EGFR: variants seen among roughly 807,000 people sequenced by gnomAD.
EGFR encodes the protein epidermal growth factor receptor.
In EGFR, 58 loss-of-function variants were observed where a neutral mutation model predicts 143.0. The observed-to-expected ratio is 0.41, with a 90% CI of 0.33 to 0.50. EGFR has a LOEUF of 0.50. Among genes scored for constraint, EGFR ranks in the 20% least tolerant of loss-of-function variants. The pLI is 0.39. For missense variants in EGFR, 1,307 were observed against 1,579.0 expected, an observed-to-expected ratio of 0.83 and a Z score of 2.92; for synonymous variants, 613 against 594.4, an observed-to-expected ratio of 1.03 and a Z score of -0.45.
intron 1 of EGFR, among the ~76,000 whole-genome samples, chr7:55,106,004 T>C (rs1792102778): frequency 6.6e-6 from 1 of 152,196 alleles, no homozygotes; most frequent in African/African-American, 2.4e-5. Context: ...TCTGTGTGCT[T>C]ACTTGAAAAC....
At chr7:55,079,736 G>A (rs1382304545) in intron 1 of EGFR, among the ~76,000 whole-genome samples, 2 of 152,156 alleles carry the variant, frequency 1.3e-5, no homozygotes, top group Non-Finnish European at 2.9e-5. Context: ...CATTCCCACG[G>A]AACCTTAAGA....
At chr7:55,146,462 G>A in intron 3 of EGFR, 144 bp from the exon 4 acceptor site, 2 of 1,308,402 alleles carry the variant, frequency 1.5e-6, no homozygotes, top group Non-Finnish European at 2.1e-6. Context: ...CCGCCCCCCG[G>A]GAAGTTCACT....
chr7:55,181,138 T>A (rs1260117063), intron 19 of EGFR, 155 bp from the exon 20 acceptor site: 2 of 939,448 alleles, frequency 2.1e-6, no homozygotes, highest in Non-Finnish European at 3.3e-6. Flanking sequence ...TAAACGTCCC[T>A]GTGCTAGGTC....
chr7:55,203,469 A>G (rs1359625526), intron 27 of EGFR, among the ~76,000 whole-genome samples: 3 of 74,834 alleles, frequency 4.0e-5, no homozygotes, highest in Non-Finnish European at 9.4e-5. Flanking sequence ...ACACATACAC[A>G]CACACCACAC....
intron 1 of EGFR, among the ~76,000 whole-genome samples, chr7:55,106,338 A>G (rs17336149): frequency 0.044 from 6,708 of 152,324 alleles, 469 homozygotes; most frequent in African/African-American, 0.15. Flanking sequence ...TCTGGGTCAG[A>G]AGCCACCAAT....
At chr7:55,121,020 A>G (rs576245384) in intron 1 of EGFR, among the ~76,000 whole-genome samples, 6 of 152,130 alleles carry the variant, frequency 3.9e-5, no homozygotes, top group Non-Finnish European at 8.8e-5. Flanking sequence ...AGATAAGTGG[A>G]TCTTCTAGTG....
chr7:55,162,529 A>G (rs1785760206), intron 13 of EGFR, among the ~76,000 whole-genome samples: 1 of 152,266 alleles, frequency 6.6e-6, no homozygotes, highest in African/African-American at 2.4e-5. Flanking sequence ...TGCAATCCTT[A>G]CAGCTACAAA....
At position 55,185,556 on chromosome 7, in the gene EGFR, C is replaced by T. The variant is rs116606194; in HGVS notation, c.2469+4078C>T. Among the ~76,000 whole-genome samples the T allele has an allele frequency of 8.2e-3, 1,257 of 152,368 alleles. 19 individuals are homozygous for T. Among genetic ancestry groups the T allele is most frequent in the African/African-American group, 0.029 (1,204 of 41,586 alleles). On this transcript the variant is annotated intron_variant, in intron 20 of 27. Coordinates refer to ENST00000275493, the MANE Select transcript of EGFR (RefSeq NM_005228.5). Reference sequence around the variant, plus strand: ...CATGCCCAGGACTGCAGAGTCCTGCCATTCAGACTGCAACTCATCTCACAT... The same window carrying T: ...CATGCCCAGGACTGCAGAGTCCTGCTATTCAGACTGCAACTCATCTCACAT...
intron 1 of EGFR, among the ~76,000 whole-genome samples, chr7:55,103,611 A>G (rs1030646808): frequency 6.6e-6 from 1 of 152,220 alleles, no homozygotes; most frequent in Non-Finnish European, 1.5e-5. Context: ...GGAGGGAATG[A>G]TGTGCCTGTG....
Position 55,171,108 on chromosome 7 carries a change from A to T in EGFR, c.1881-67A>T, listed in dbSNP as rs1584218462. 2.5e-6 allele frequency: 4 copies of T among 1,607,792 alleles called. No individual in the cohort carries two copies. In the East Asian group the frequency reaches 8.9e-5, roughly 36 times the overall value. ...TATATTGCTTTATGATTTAATTAAA[A>T]ATCTCCAAAATATATGCCAAAGAAG... On this transcript the variant is annotated intron_variant, in intron 15 of 27. Coordinates refer to ENST00000275493, the MANE Select transcript of EGFR (RefSeq NM_005228.5).
At chr7:55,028,565 A>G (rs1039361671) in intron 1 of EGFR, among the ~76,000 whole-genome samples, 3 of 152,058 alleles carry the variant, frequency 2.0e-5, no homozygotes, top group African/African-American at 7.2e-5. Context: ...CTTTCAGGAG[A>G]TTTTATTACA....
chr7:55,181,128 T>A, intron 19 of EGFR, 165 bp from the exon 20 acceptor site: 1 of 863,354 alleles, frequency 1.2e-6, no homozygotes, highest in East Asian at 2.5e-5. Flanking sequence ...CAGCCCTGCG[T>A]AAACGTCCCT....
rs564610459 is a variant in EGFR, at chr7:55,037,312, T to C, written c.88+17947T>C. 9.1e-4 allele frequency among the ~76,000 whole-genome samples: 138 copies of C among 152,298 alleles called. 1 individual carries two copies. The highest frequency in any genetic ancestry group is 2.9e-3 in the African/African-American group (120 of 41,568). The stretch of plus-strand genomic sequence containing the variant: ...GGTTACATGGATAGAAAACGTAGCC[T>C]CTGACCCCTAAGGAGCCTGTAATCC... On this transcript the variant is annotated intron_variant, in intron 1 of 27. Transcript: ENST00000275493.
In EGFR at chr7:55,210,631, TCCA is replaced by T. The variant is rs1788216180; in HGVS notation, c.*5016_*5018del. ...CCTAGAGAGCTAAGACACAAAGACCTCCACATCTGTCGCTGAGAGTCAAGAACC... is the reference window on the plus strand; with the variant it reads ...CCTAGAGAGCTAAGACACAAAGACCTCATCTGTCGCTGAGAGTCAAGAACC... On this transcript the variant is annotated 3_prime_UTR_variant, in exon 28 of 28. Coordinates refer to ENST00000275493, the MANE Select transcript of EGFR (RefSeq NM_005228.5). The T allele has an allele frequency of 6.6e-6, 1 of 152,186 alleles. No homozygotes were observed. Among genetic ancestry groups the T allele is most frequent in the African/African-American group, 2.4e-5 (1 of 41,428 alleles). 9.4% of individuals were successfully genotyped at this position (152,186 alleles called of 1,614,324 possible). A position where few individuals can be genotyped will look rare whatever the true frequency, so the allele number is the denominator to read the frequency against.
intron 1 of EGFR, among the ~76,000 whole-genome samples, chr7:55,088,280 C>T (rs1225666507): frequency 6.6e-6 from 1 of 152,180 alleles, no homozygotes; most frequent in Non-Finnish European, 1.5e-5. Context: ...ATGGGGGAGG[C>T]CCCCTTCGCA....
chr7:55,133,816 T>A (rs1793986526), intron 1 of EGFR, among the ~76,000 whole-genome samples: 1 of 152,208 alleles, frequency 6.6e-6, no homozygotes, highest in South Asian at 2.1e-4. Flanking sequence ...GCAAGGCAGA[T>A]GCCCTGGACA....
At chr7:55,081,487 GC>G (rs1790460068) in intron 1 of EGFR, among the ~76,000 whole-genome samples, 1 of 152,178 alleles carries the variant, frequency 6.6e-6, no homozygotes, top group Non-Finnish European at 1.5e-5. Flanking sequence ...GTGTCTGTGA[GC>G]GAGAGCCTGA....
chr7:55,200,504 C>T (rs17337458), intron 24 of EGFR, 91 bp downstream of exon 24: 13 of 1,298,808 alleles, frequency 1.0e-5, no homozygotes, highest in Non-Finnish European at 1.4e-5. Flanking sequence ...GCCTGGCCTC[C>T]CTGTGTCCCA....
intron 1 of EGFR, among the ~76,000 whole-genome samples, chr7:55,133,945 C>T (rs1180793126): frequency 6.6e-6 from 1 of 152,204 alleles, no homozygotes; most frequent in Non-Finnish European, 1.5e-5. Flanking sequence ...CATGAGTAAG[C>T]AAAAGTCTCA....
Sources: gnomAD v4.1 joint callset for allele counts (sites outside exome capture counted in the v4.1 genomes callset) on GRCh38, gnomAD v4.1.1 for gene constraint, MANE v1.5 for transcripts, NCBI Gene and HGNC (gene_info 2026-07-23, HGNC 2026-07-21) for gene names.